The following GIGYF1 variants were observed in gnomAD, a reference collection of about 807,000 sequenced individuals.
The protein encoded by GIGYF1 is GRB10 interacting GYF protein 1, also known as GRB10-interacting GYF protein 1.
In GIGYF1, 84 loss-of-function variants were observed where a neutral mutation model predicts 147.1. The observed-to-expected ratio is 0.57, with a 90% CI of 0.48 to 0.68. GIGYF1 has a LOEUF of 0.68. GIGYF1 is among the 30% of genes least tolerant of loss of function. The probability of loss-of-function intolerance (pLI) is 0.00; values close to 1 mark genes in which losing one functional copy is unlikely to be tolerated. For synonymous variants in GIGYF1, 752 were observed against 589.5 expected (o/e 1.28, Z -3.99); for missense variants, 1,485 against 1,393.7 (o/e 1.07, Z -1.04).
Position 100,683,639 on chromosome 7 carries a change from G to A in GIGYF1, c.1970-7C>T, listed in dbSNP as rs373384662. 143 of 1,613,158 alleles carry A rather than the reference G, an allele frequency of 8.9e-5. No homozygotes were observed. The highest frequency in any genetic ancestry group is 3.2e-4 in the Admixed American group (19 of 60,008). On this transcript the variant is annotated splice_polypyrimidine_tract_variant and splice_region_variant and intron_variant, in intron 19 of 26. Coordinates refer to ENST00000678049, the MANE Select transcript of GIGYF1 (RefSeq NM_001375765.1). ...CAAAGACTGGCCTCACCACCTGCAG[G>A]GGGCAGGGGGGCAGAGGCGGCTGCA...
rs201403082 is a variant in GIGYF1 at position 100,684,606 on chromosome 7, C to G, written c.1473G>C (p.Thr491=). The change falls in exon 16 of 27, where the codon ACG becomes ACC. Residue 491 remains threonine (T), a synonymous_variant. Coordinates refer to ENST00000678049, the MANE Select transcript of GIGYF1 (RefSeq NM_001375765.1). ...DPQGEIQGPF[T]TQEMAEWFQA... is the part of the protein sequence containing the mutation. ...GGAACCACTCTGCCATCTCCTGTGTCGTGAAGGGGCCTGGACAGGGAGCGA... is the reference window on the plus strand; with the variant it reads ...GGAACCACTCTGCCATCTCCTGTGTGGTGAAGGGGCCTGGACAGGGAGCGA... The G allele has an allele frequency of 2.7e-5, 44 of 1,614,174 alleles. No homozygotes were observed. In the Middle Eastern group the frequency reaches 4.9e-4, roughly 18 times the overall value.
intron 1 of GIGYF1, among the ~76,000 whole-genome samples, chr7:100,690,156 A>C (rs1805716521): frequency 6.6e-6 from 1 of 152,228 alleles, no homozygotes; most frequent in African/African-American, 2.4e-5. Context: ...CATTTTTTTA[A>C]AAAAGCTTTA....
At chr7:100,691,266 G>C (rs1805803003) in intron 1 of GIGYF1, among the ~76,000 whole-genome samples, 1 of 152,212 alleles carries the variant, frequency 6.6e-6, no homozygotes, top group Non-Finnish European at 1.5e-5. Context: ...CAGCCCCACA[G>C]CCAAGAGCTA....
rs750764437 is a variant in GIGYF1 at position 100,684,062 on chromosome 7, A to AGCT, written c.1823_1825dup (p.Gln608dup). 123 of 1,596,602 alleles carry AGCT rather than the reference A, an allele frequency of 7.7e-5. No homozygotes were observed. Among genetic ancestry groups the AGCT allele is most frequent in the Admixed American group, 1.9e-4 (11 of 59,430 alleles). On this transcript the variant is annotated inframe_insertion, in exon 18 of 27. Coordinates refer to ENST00000678049, the MANE Select transcript of GIGYF1 (RefSeq NM_001375765.1). Reference sequence around the variant, plus strand: ...CTGGAGCTGCTGCAGGAATGCCGTGAGCTGCTGCTGCTGCTGCTGTGGCGG... The same window carrying AGCT: ...CTGGAGCTGCTGCAGGAATGCCGTGAGCTGCTGCTGCTGCTGCTGCTGTGGCGG...
intron 1 of GIGYF1, among the ~76,000 whole-genome samples, chr7:100,689,895 C>A (rs1481097049): frequency 6.6e-6 from 1 of 152,178 alleles, no homozygotes; most frequent in Non-Finnish European, 1.5e-5. Flanking sequence ...AGGAGAGCTA[C>A]CCCTTACTTC....
Position 100,694,157 on chromosome 7 carries a change from G to T in GIGYF1, c.-1146C>A. 1 of 47,822 alleles carries T rather than the reference G, an allele frequency of 2.1e-5. No homozygotes were observed. The highest frequency in any genetic ancestry group is 3.6e-4 in the South Asian group (1 of 2,794). 3.0% of individuals were successfully genotyped at this position (47,822 alleles called of 1,614,324 possible). ...TCCCGGGGCGTGGGCGGCGCGCGGC[G>T]GGCGGGGGCCGGGGACGGCGACGGC... On this transcript the variant is annotated 5_prime_UTR_variant, in exon 1 of 27. Transcript: ENST00000678049.
In GIGYF1 at chr7:100,683,274, C is replaced by G. The variant is rs772985821; in HGVS notation, c.2193+30G>C. The G allele has an allele frequency of 3.1e-6, 5 of 1,613,428 alleles. No individual in the cohort carries two copies. In the East Asian group the frequency reaches 8.9e-5, roughly 29 times the overall value. On this transcript the variant is annotated intron_variant, in intron 21 of 26. Transcript: ENST00000678049. ...GAGGGGACCTGGCGAGGGTTGTCCA[C>G]CCAGCCAGCTGAGGCTTGGGAGCAC...
Position 100,684,302 on chromosome 7 carries a change from C to A in GIGYF1, c.1665G>T (p.Gln555His). 6.2e-7 allele frequency: 1 copy of A among 1,602,680 alleles called. No homozygotes were observed. The highest frequency in any genetic ancestry group is 1.7e-5 in the Admixed American group (1 of 58,334). Residue 555 changes from glutamine to histidine, a missense_variant, in exon 17 of 27, where the codon CAG (glutamine) becomes CAT (histidine). Physicochemically the swap from Gln to His is conservative, Grantham distance 24. Transcript: ENST00000678049. ...GGTACAAGGCCGCCGCGGCCAGCTC[C>A]TGTTGCTTCTTCAGCCGCTCCTGGT... ...NMDQERLKKQQELAAAALYQQ... is the reference protein window; with the variant it reads ...NMDQERLKKQHELAAAALYQQ...
At chr7:100,685,644 CCT>C (rs1269805325) in intron 12 of GIGYF1, among the ~76,000 whole-genome samples, 163 bp from the exon 13 acceptor site, 2 of 152,168 alleles carry the variant, frequency 1.3e-5, no homozygotes, top group Non-Finnish European at 2.9e-5. Flanking sequence ...AATGCGGTGC[CCT>C]GACCCTCGCC....
At chr7:100,685,892 G>A (rs1805275541) in intron 12 of GIGYF1, 82 bp downstream of exon 12, 3 of 1,121,350 alleles carry the variant, frequency 2.7e-6, no homozygotes, top group Admixed American at 3.8e-5. Flanking sequence ...ACAGGTAGGT[G>A]GGCAGCCAAT....
intron 13 of GIGYF1, 52 bp downstream of exon 13, chr7:100,685,292 T>G (rs1214371128): frequency 1.3e-6 from 2 of 1,543,786 alleles, no homozygotes; most frequent in Admixed American, 2.1e-5. Flanking sequence ...TGGGGAGCAC[T>G]TTCTCCCACA....
In GIGYF1 at chr7:100,681,685, G is replaced by A; in HGVS notation, c.*34C>T. 1 of 1,518,598 alleles carries A rather than the reference G, an allele frequency of 6.6e-7. No homozygotes were observed. The highest frequency in any genetic ancestry group is 1.3e-5 in the South Asian group (1 of 75,894). 94.1% of individuals were successfully genotyped at this position (1,518,598 alleles called of 1,614,324 possible). ...CGGTCCACGCCGCTGTGGCTGCCCTGGCCTACAGCCCAGGGGCTGGGGGTC... is the reference window on the plus strand; with the variant it reads ...CGGTCCACGCCGCTGTGGCTGCCCTAGCCTACAGCCCAGGGGCTGGGGGTC... On this transcript the variant is annotated 3_prime_UTR_variant, in exon 27 of 27. Transcript: ENST00000678049.
rs763553351 is a variant in GIGYF1 at position 100,688,518 on chromosome 7, G to C, written c.-134-3C>G. 3.0e-6 allele frequency: 2 copies of C among 665,988 alleles called. No homozygotes were observed. Among genetic ancestry groups the C allele is most frequent in the East Asian group, 2.9e-5 (1 of 33,968 alleles). The allele number at this position is 665,988 out of a possible 1,614,324, so 41.3% of individuals were successfully genotyped here. A position where few individuals can be genotyped will look rare whatever the true frequency, so the allele number is the denominator to read the frequency against. On this transcript the variant is annotated splice_region_variant and splice_polypyrimidine_tract_variant and intron_variant, in intron 2 of 26. Coordinates refer to ENST00000678049, the MANE Select transcript of GIGYF1 (RefSeq NM_001375765.1). ...GATGAGTCCAGACGGTGAAAGACCT[G>C]GGGGAGGCGAGGAGATGGGAAGCTC... is the stretch of plus-strand genomic sequence containing the variant.
At chr7:100,692,837 C>CT (rs1342793135) in intron 1 of GIGYF1, among the ~76,000 whole-genome samples, 1 of 152,194 alleles carries the variant, frequency 6.6e-6, no homozygotes, top group African/African-American at 2.4e-5. Context: ...GACCTACAAT[C>CT]TAAGAAAATC....
intron 1 of GIGYF1, among the ~76,000 whole-genome samples, chr7:100,690,847 G>C (rs1055964259): frequency 6.6e-6 from 1 of 151,498 alleles, no homozygotes; most frequent in Non-Finnish European, 1.5e-5. Flanking sequence ...GCGCAGCAAG[G>C]GCAGCTCTCC....
Position 100,680,592 on chromosome 7 carries a change from A to G in GIGYF1, c.*1127T>C, listed in dbSNP as rs929026206. ...TTTGGTCAGCGGAAGGGTCAGGTGC[A>G]GAGCTGGGTGGTCCACATCTTACGA... is the stretch of plus-strand genomic sequence containing the variant. On this transcript the variant is annotated 3_prime_UTR_variant, in exon 27 of 27. Transcript: ENST00000678049. 2.6e-5 allele frequency: 4 copies of G among 152,610 alleles called. No individual in the cohort carries two copies. Among genetic ancestry groups the G allele is most frequent in the African/African-American group, 9.6e-5 (4 of 41,456 alleles). The allele number at this position is 152,610 out of a possible 1,614,324, so 9.5% of individuals were successfully genotyped here.
Position 100,684,607 on chromosome 7 carries a change from G to A in GIGYF1, c.1472C>T (p.Thr491Met), listed in dbSNP as rs752425853. 8 of 1,614,076 alleles carry A rather than the reference G, an allele frequency of 5.0e-6. No homozygotes were observed. The highest frequency in any genetic ancestry group is 2.2e-5 in the East Asian group (1 of 44,904). ...DPQGEIQGPF[T>M]TQEMAEWFQA... is the part of the protein sequence containing the mutation. ...GAACCACTCTGCCATCTCCTGTGTC[G>A]TGAAGGGGCCTGGACAGGGAGCGAG... Residue 491 changes from threonine to methionine, a missense_variant, in exon 16 of 27, where the codon ACG (threonine) becomes ATG (methionine). Physicochemically the swap from Thr to Met is moderately conservative, Grantham distance 81. Coordinates refer to ENST00000678049, the MANE Select transcript of GIGYF1 (RefSeq NM_001375765.1).
Position 100,686,453 on chromosome 7 carries a change from GAGA to G in GIGYF1, c.695-23_695-21del, listed in dbSNP as rs771539916. On this transcript the variant is annotated intron_variant, in intron 10 of 26. Coordinates refer to ENST00000678049, the MANE Select transcript of GIGYF1 (RefSeq NM_001375765.1). ...CACCATCTGCACAGGAAAAGTCAGG[GAGA>G]AGAAGAGTGGGTACCCAAGCGAAGC... 25 of 1,564,738 alleles carry G rather than the reference GAGA, an allele frequency of 1.6e-5. No homozygotes were observed. The highest frequency in any genetic ancestry group is 3.7e-5 in the Admixed American group (2 of 54,084).
chr7:100,689,314 A>C lies in GIGYF1; in HGVS notation c.-857T>G, dbSNP rs896896187. 6.6e-6 allele frequency: 1 copy of C among 152,400 alleles called. No homozygotes were observed. Among genetic ancestry groups the C allele is most frequent in the African/African-American group, 2.4e-5 (1 of 41,464 alleles). The allele number at this position is 152,400 out of a possible 1,614,324, so 9.4% of individuals were successfully genotyped here. On this transcript the variant is annotated 5_prime_UTR_variant, in exon 2 of 27. Coordinates refer to ENST00000678049, the MANE Select transcript of GIGYF1 (RefSeq NM_001375765.1). ...GATCTCAGGATACCAGCTGGGAAGC[A>C]GCCTCTGGCACCATCAGGTGGAAAT... is the stretch of plus-strand genomic sequence containing the variant.
Sources: gnomAD v4.1 joint callset for allele counts (sites outside exome capture counted in the v4.1 genomes callset) on GRCh38, gnomAD v4.1.1 for gene constraint, MANE v1.5 for transcripts, NCBI Gene and HGNC (gene_info 2026-07-23, HGNC 2026-07-21) for gene names.